The following RBMS3 variants were observed in gnomAD, a reference collection of about 807,000 sequenced individuals.
RBMS3 encodes the protein RNA-binding motif, single-stranded-interacting protein 3.
In RBMS3, 27 loss-of-function variants were observed where a neutral mutation model predicts 66.8. The observed-to-expected ratio is 0.40, with a 90% CI of 0.30 to 0.56. The LOEUF is 0.56. Among genes scored for constraint, RBMS3 ranks in the 20% least tolerant of loss-of-function variants. RBMS3 has a pLI of 0.40. For synonymous variants in RBMS3, 188 were observed against 183.0 expected, an observed-to-expected ratio of 1.03 and a Z score of -0.22; for missense variants, 513 against 549.5, an observed-to-expected ratio of 0.93 and a Z score of 0.66.
At chr3:29,295,551 G>A (rs1283335144) in intron 1 of RBMS3, among the ~76,000 whole-genome samples, 1 of 151,090 alleles carries the variant, frequency 6.6e-6, no homozygotes, top group Non-Finnish European at 1.5e-5. Flanking sequence ...TAATAGTAAG[G>A]TGTGTGTCTT....
intron 1 of RBMS3, among the ~76,000 whole-genome samples, chr3:29,294,879 C>T (rs1350072958): frequency 1.3e-5 from 2 of 151,616 alleles, no homozygotes. Context: ...ACCAGCCATG[C>T]CATATACCTA....
intron 3 of RBMS3, among the ~76,000 whole-genome samples, chr3:29,552,459 GT>G (rs1474023926): frequency 6.6e-6 from 1 of 152,068 alleles, no homozygotes; most frequent in East Asian, 1.9e-4. Context: ...AAATGGCCTG[GT>G]CTTCTTTTCA....
chr3:29,405,104 G>T (rs2039960813), intron 1 of RBMS3, among the ~76,000 whole-genome samples: 1 of 152,014 alleles, frequency 6.6e-6, no homozygotes, highest in African/African-American at 2.4e-5. Context: ...TTACTTCTAG[G>T]ACCCAAACCC....
At chr3:29,420,077 A>AG (rs2040641634) in intron 1 of RBMS3, among the ~76,000 whole-genome samples, 1 of 152,200 alleles carries the variant, frequency 6.6e-6, no homozygotes, top group Admixed American at 6.5e-5. Context: ...GCATTTGTAA[A>AG]GCAAGAAATG....
chr3:29,850,831 G>T (rs932294862), intron 6 of RBMS3, among the ~76,000 whole-genome samples: 1 of 152,152 alleles, frequency 6.6e-6, no homozygotes, highest in Admixed American at 6.6e-5. Context: ...AGCCTTTAGA[G>T]GTCGCTGTCA....
At chr3:29,825,823 C>A (rs2058197751) in intron 6 of RBMS3, among the ~76,000 whole-genome samples, 1 of 152,136 alleles carries the variant, frequency 6.6e-6, no homozygotes, top group Non-Finnish European at 1.5e-5. Flanking sequence ...ATTTACTTAG[C>A]TATTCTAAGA....
intron 8 of RBMS3, among the ~76,000 whole-genome samples, chr3:29,895,400 C>A (rs2060104084): frequency 6.6e-6 from 1 of 151,460 alleles, no homozygotes; most frequent in Non-Finnish European, 1.5e-5. Flanking sequence ...TATCTCCCCT[C>A]CTCAAATTCC....
At chr3:29,381,946 T>C (rs2125625129) in intron 1 of RBMS3, among the ~76,000 whole-genome samples, 2 of 152,194 alleles carry the variant, frequency 1.3e-5, no homozygotes, top group African/African-American at 4.8e-5. Context: ...CTTCCCTGTA[T>C]ATCTCTTTCT....
chr3:29,408,054 C>T (rs370318858), intron 1 of RBMS3, among the ~76,000 whole-genome samples: 37 of 152,008 alleles, frequency 2.4e-4, no homozygotes, highest in Middle Eastern at 3.4e-3. Context: ...GGGCAGATCA[C>T]GAGGTCAGGA....
At chr3:29,381,759 C>G (rs775024560) in intron 1 of RBMS3, among the ~76,000 whole-genome samples, 1 of 152,210 alleles carries the variant, frequency 6.6e-6, no homozygotes. Context: ...CTATCTGGGT[C>G]AGACATCACA....
intron 5 of RBMS3, among the ~76,000 whole-genome samples, chr3:29,747,397 GATAGATAGA>G (rs1559631024): frequency 1.1e-3 from 46 of 42,916 alleles, no homozygotes; most frequent in African/African-American, 3.1e-3. Context: ...TAGGTAGATA[GATAGATAGA>G]TAGATAGATA....
At chr3:29,364,916 C>T (rs1487812547) in intron 1 of RBMS3, among the ~76,000 whole-genome samples, 1 of 152,054 alleles carries the variant, frequency 6.6e-6, no homozygotes, top group Admixed American at 6.6e-5. Flanking sequence ...TCACTGATGC[C>T]TAAAATAATT....
intron 4 of RBMS3, among the ~76,000 whole-genome samples, chr3:29,677,603 C>T (rs1006961304): frequency 6.6e-6 from 1 of 152,050 alleles, no homozygotes; most frequent in African/African-American, 2.4e-5. Flanking sequence ...CAAATTTCTC[C>T]ACATTTGACA....
intron 1 of RBMS3, among the ~76,000 whole-genome samples, chr3:29,298,597 A>AT (rs57337998): frequency 0.27 from 39,821 of 148,814 alleles, 5,442 homozygotes; most frequent in Middle Eastern, 0.41. Flanking sequence ...GGTGTTTGGC[A>AT]TTTTTTTTTT....
chr3:29,701,694 T>G (rs2052591337), intron 4 of RBMS3, among the ~76,000 whole-genome samples: 1 of 152,118 alleles, frequency 6.6e-6, no homozygotes, highest in Non-Finnish European at 1.5e-5. Flanking sequence ...CCACCGGCCT[T>G]GGGCAGTGAG....
chr3:29,388,034 G>A (rs1372463347), intron 1 of RBMS3, among the ~76,000 whole-genome samples: 1 of 151,714 alleles, frequency 6.6e-6, no homozygotes, highest in African/African-American at 2.4e-5. Flanking sequence ...CTGATGAAAT[G>A]TCACTCCATC....
At chr3:29,422,460 A>C (rs1224680802) in intron 1 of RBMS3, among the ~76,000 whole-genome samples, 3 of 151,406 alleles carry the variant, frequency 2.0e-5, no homozygotes, top group African/African-American at 7.3e-5. Context: ...CTGGAATTGG[A>C]TGTGCCTATA....
chr3:29,840,860 A>G (rs1434001450), intron 6 of RBMS3, among the ~76,000 whole-genome samples: 1 of 151,952 alleles, frequency 6.6e-6, no homozygotes, highest in Non-Finnish European at 1.5e-5. Context: ...GGATTTATGT[A>G]TATGATGGAC....
intron 2 of RBMS3, among the ~76,000 whole-genome samples, chr3:29,456,820 A>C (rs546895437): frequency 6.6e-6 from 1 of 152,312 alleles, no homozygotes; most frequent in African/African-American, 2.4e-5. Context: ...GTAGGGCATA[A>C]GTCCTGACAA....
Sources: allele counts gnomAD v4.1 joint callset (sites outside exome capture counted in the v4.1 genomes callset), GRCh38; gene constraint gnomAD v4.1.1; transcripts MANE v1.5; gene names NCBI Gene and HGNC (gene_info 2026-07-23, HGNC 2026-07-21).